ABHD2: variants seen among roughly 807,000 people sequenced by gnomAD.
The protein encoded by ABHD2 is monoacylglycerol lipase ABHD2.
Under a neutral mutation model 48.1 loss-of-function variants are expected in ABHD2, and 20 were observed. That is an observed-to-expected ratio of 0.42 (90% CI 0.29 to 0.60). The LOEUF (loss-of-function observed/expected upper bound fraction) is 0.60, where lower values mean the gene tolerates loss of function less well. ABHD2 is among the 20% of genes least tolerant of loss of function. ABHD2 has a pLI of 0.24. For missense variants in ABHD2, 405 were observed against 550.9 expected, an observed-to-expected ratio of 0.74 and a Z score of 2.65; for synonymous variants, 209 against 214.2, an observed-to-expected ratio of 0.98 and a Z score of 0.21.
At chr15:89,062,883 T>C in the ABHD2 span, among the ~76,000 whole-genome samples, 1 of 152,098 alleles carries the variant, frequency 6.6e-6, no homozygotes, top group South Asian at 2.1e-4. Flanking sequence ...ATTACTTTTA[T>C]TGGAGAATAA....
At chr15:89,126,327 C>T (rs931904498) in intron 3 of ABHD2, among the ~76,000 whole-genome samples, 1 of 152,192 alleles carries the variant, frequency 6.6e-6, no homozygotes. Flanking sequence ...TAACTTTTAG[C>T]TTACACCTCA....
At chr15:89,088,415 T>A (rs912616232), upstream of ABHD2, 2 of 152,900 alleles carry the variant, frequency 1.3e-5, no homozygotes, top group African/African-American at 2.4e-5. This position sits in a 1 kb window ranked among gnomAD's most constrained non-coding sequence, Gnocchi z 6.8. Context: ...GTCAGGGGCG[T>A]GGCGGCAGTT....
the ABHD2 span, among the ~76,000 whole-genome samples, chr15:89,070,529 G>T: frequency 5.9e-5 from 9 of 152,274 alleles, no homozygotes; most frequent in African/African-American, 1.9e-4. Context: ...AAGAAGTCTA[G>T]TTATCAGCCC....
At chr15:89,052,677 A>T in the ABHD2 span, among the ~76,000 whole-genome samples, 1 of 152,156 alleles carries the variant, frequency 6.6e-6, no homozygotes. Flanking sequence ...TGCAAACCAC[A>T]AGCAGGGGAG....
rs559381518 is a variant in ABHD2 at position 89,154,752 on chromosome 15, A to T, written c.371-615A>T. On this transcript the variant is annotated intron_variant, in intron 4 of 10. Coordinates refer to ENST00000352732, the MANE Select transcript of ABHD2 (RefSeq NM_152924.5). ...GGCTTCATAATATTTCATCACTTAG[A>T]TATGCAATAATTTATCCAACCAGAC... Among the ~76,000 whole-genome samples, 3 of 152,326 alleles carry T rather than the reference A, an allele frequency of 2.0e-5. No individual in the cohort carries two copies. The South Asian group carries it at 6.2e-4, about 32-fold the overall frequency.
chr15:89,186,059 C>T lies in ABHD2; in HGVS notation c.815+543C>T, dbSNP rs950539427. ...CCAGTAAATCTAAGACAATGAACCA[C>T]TTCCACACCCTTTTCTCCCAAATTA... On this transcript the variant is annotated intron_variant, in intron 7 of 10. Coordinates refer to ENST00000352732, the MANE Select transcript of ABHD2 (RefSeq NM_152924.5). This position sits in a 1 kb window ranked among gnomAD's most constrained non-coding sequence, Gnocchi z 4.3. Among the ~76,000 whole-genome samples, 1 of 152,220 alleles carries T rather than the reference C, an allele frequency of 6.6e-6. No homozygotes were observed. The highest frequency in any genetic ancestry group is 1.5e-5 in the Non-Finnish European group (1 of 68,046).
chr15:89,095,416 A>T (rs1169590121), intron 1 of ABHD2, among the ~76,000 whole-genome samples: 1 of 152,178 alleles, frequency 6.6e-6, no homozygotes, highest in Non-Finnish European at 1.5e-5. Flanking sequence ...CCTTATAGTG[A>T]GGTGAACTTA....
intron 3 of ABHD2, among the ~76,000 whole-genome samples, chr15:89,127,722 CATATAT>C (rs72455898): frequency 3.0e-5 from 4 of 133,136 alleles, no homozygotes; most frequent in Admixed American, 2.9e-4. Flanking sequence ...TATATATACA[CATATAT>C]ATATATATAT....
chr15:89,201,640 C>T lies in ABHD2; in HGVS notation c.*6217C>T, dbSNP rs544819601. 4.6e-5 allele frequency: 74 copies of T among 1,600,334 alleles called. No homozygotes were observed. Among genetic ancestry groups the T allele is most frequent in the South Asian group, 4.2e-4 (38 of 90,796 alleles). On this transcript the variant is annotated 3_prime_UTR_variant, in exon 11 of 11. Transcript: ENST00000352732. ...GGCCTCACACAGTACCGGTGAGGCACGGTAGTCTTCACTTTGAAACACACT... is the reference window on the plus strand; with the variant it reads ...GGCCTCACACAGTACCGGTGAGGCATGGTAGTCTTCACTTTGAAACACACT...
rs1240711574 is a variant in ABHD2, at chr15:89,151,219, T to C, written c.195-458T>C. On this transcript the variant is annotated intron_variant, in intron 3 of 10. Coordinates refer to ENST00000352732, the MANE Select transcript of ABHD2 (RefSeq NM_152924.5). This position sits in a 1 kb window ranked among gnomAD's most constrained non-coding sequence, Gnocchi z 4.7. ...AACTGAGAGTAGCAGGTTTGGCTAA[T>C]GGAGTAACCACTACAGCTGTGGCCT... Among the ~76,000 whole-genome samples the C allele has an allele frequency of 6.6e-6, 1 of 152,202 alleles. No individual in the cohort carries two copies. The highest frequency in any genetic ancestry group is 1.5e-5 in the Non-Finnish European group (1 of 68,028).
Position 89,164,835 on chromosome 15 carries a change from A to G in ABHD2, c.538+9301A>G, listed in dbSNP as rs1005436223. Among the ~76,000 whole-genome samples the G allele has an allele frequency of 9.2e-5, 14 of 152,112 alleles. No individual in the cohort carries two copies. Among genetic ancestry groups the G allele is most frequent in the African/African-American group, 2.4e-4 (10 of 41,424 alleles). On this transcript the variant is annotated intron_variant, in intron 5 of 10. Coordinates refer to ENST00000352732, the MANE Select transcript of ABHD2 (RefSeq NM_152924.5). The surrounding 1 kb of genome is among the most constrained non-coding windows in gnomAD (Gnocchi z 5.0). ...CATGGCATAGAGTCCAGCAAATACC[A>G]GTAAACAATAACGATTATCATCTTC...
At chr15:89,190,518 T>C (rs1295545155) in intron 8 of ABHD2, among the ~76,000 whole-genome samples, 1 of 152,222 alleles carries the variant, frequency 6.6e-6, no homozygotes, top group African/African-American at 2.4e-5. Context: ...CTAAGAACTC[T>C]GTTAAAAGGA....
At chr15:89,162,691 TC>T (rs1174301686) in intron 5 of ABHD2, among the ~76,000 whole-genome samples, 2 of 151,360 alleles carry the variant, frequency 1.3e-5, no homozygotes, top group African/African-American at 2.4e-5. Context: ...CATCTAAAGC[TC>T]CCCCCCAACC....
In ABHD2 at chr15:89,168,261, T is replaced by G. The variant is rs927531920; in HGVS notation, c.539-7551T>G. Among the ~76,000 whole-genome samples, 1 of 152,228 alleles carries G rather than the reference T, an allele frequency of 6.6e-6. No individual in the cohort carries two copies. Among genetic ancestry groups the G allele is most frequent in the Non-Finnish European group, 1.5e-5 (1 of 68,034 alleles). On this transcript the variant is annotated intron_variant, in intron 5 of 10. Transcript: ENST00000352732. This position sits in a 1 kb window ranked among gnomAD's most constrained non-coding sequence, Gnocchi z 4.8. ...CCAAAATGGCCGTGCAATACTCATCTGTCTAAGGCCCAGCTAGTGTTTCAG... is the reference window on the plus strand; with the variant it reads ...CCAAAATGGCCGTGCAATACTCATCGGTCTAAGGCCCAGCTAGTGTTTCAG...
chr15:89,094,601 G>T lies in ABHD2; in HGVS notation c.-107+6038G>T, dbSNP rs919297992. On this transcript the variant is annotated intron_variant, in intron 1 of 10. Coordinates refer to ENST00000352732, the MANE Select transcript of ABHD2 (RefSeq NM_152924.5). This position sits in a 1 kb window ranked among gnomAD's most constrained non-coding sequence, Gnocchi z 4.7. Reference sequence around the variant, plus strand: ...TGTGCGCCTGTAGTCCCAGCTACTTGGGAGACTGAGGCAGGAGAATCACTT... The same window carrying T: ...TGTGCGCCTGTAGTCCCAGCTACTTTGGAGACTGAGGCAGGAGAATCACTT... Among the ~76,000 whole-genome samples, 19 of 152,006 alleles carry T rather than the reference G, an allele frequency of 1.2e-4. No homozygotes were observed. The highest frequency in any genetic ancestry group is 8.8e-5 in the Non-Finnish European group (6 of 68,004).
At chr15:89,085,056 A>G (rs916826388), upstream of ABHD2, among the ~76,000 whole-genome samples, 3 of 152,118 alleles carry the variant, frequency 2.0e-5, no homozygotes, top group African/African-American at 7.2e-5. The surrounding 1 kb of genome is among the most constrained non-coding windows in gnomAD (Gnocchi z 4.2). Flanking sequence ...GAATAAATAG[A>G]ACATATTATC....
At chr15:89,067,455 A>G in the ABHD2 span, among the ~76,000 whole-genome samples, 3 of 152,224 alleles carry the variant, frequency 2.0e-5, no homozygotes, top group Non-Finnish European at 1.5e-5. Flanking sequence ...TCCAGAGGCC[A>G]CAAGGAGTTT....
intron 6 of ABHD2, chr15:89,183,384 A>AAAATATATATATAT (rs61602174): frequency 8.4e-4 from 39 of 46,258 alleles, no homozygotes; most frequent in Non-Finnish European, 1.3e-3. Context: ...AAAAAAAAAA[A>AAAATATATATATAT]ATATATATAT....
intron 3 of ABHD2, among the ~76,000 whole-genome samples, chr15:89,145,788 C>T (rs2050481889): frequency 6.6e-6 from 1 of 152,154 alleles, no homozygotes; most frequent in Non-Finnish European, 1.5e-5. Context: ...GGTGGGGGGA[C>T]ACTGGTACTA....
Sources: gnomAD v4.1 joint callset for allele counts (sites outside exome capture counted in the v4.1 genomes callset) on GRCh38, gnomAD v4.1.1 for gene constraint, Gnocchi (gnomAD v3.1) non-coding constraint, MANE v1.5 for transcripts, NCBI Gene and HGNC (gene_info 2026-07-23, HGNC 2026-07-21) for gene names.